The following NPHP4 variants were observed in gnomAD, a reference collection of about 807,000 sequenced individuals.
NPHP4 encodes nephrocystin 4.
Under a neutral mutation model 155.8 loss-of-function variants are expected in NPHP4, and 151 were observed. The observed-to-expected ratio is 0.97, with a 90% CI of 0.85 to 1.11. NPHP4 has a LOEUF of 1.11. Ranked by LOEUF, NPHP4 falls within the 50% of genes least tolerant of loss-of-function variation. The pLI, the probability that NPHP4 is intolerant of heterozygous loss-of-function variation, is 0.00. For missense variants in NPHP4, 1,956 were observed against 1,925.7 expected, an observed-to-expected ratio of 1.02 and a Z score of -0.29; for synonymous variants, 845 against 816.8, an observed-to-expected ratio of 1.03 and a Z score of -0.59.
Position 5,898,843 on chromosome 1 carries a change from G to GCACACA in NPHP4, c.2143+5768_2143+5773dup, listed in dbSNP as rs146386955. Among the ~76,000 whole-genome samples the GCACACA allele has an allele frequency of 5.9e-3, 884 of 149,742 alleles. 8 individuals carry two copies. The highest frequency in any genetic ancestry group is 0.02 in the African/African-American group (828 of 40,996). Reference sequence around the variant, plus strand: ...TGCCTATCAATTCAAACCCACACATGCACACACACACACACACAGACAACA... The same window carrying GCACACA: ...TGCCTATCAATTCAAACCCACACATGCACACACACACACACACACACACAGACAACA... On this transcript the variant is annotated intron_variant, in intron 16 of 29. Transcript: ENST00000378156.
At chr1:5,965,679 T>C (rs1220449146) in intron 5 of NPHP4, among the ~76,000 whole-genome samples, 1 of 152,130 alleles carries the variant, frequency 6.6e-6, no homozygotes, top group African/African-American at 2.4e-5. Context: ...GGCCTCCACA[T>C]GCCCCGGCCC....
At chr1:5,949,343 T>TACACACACACACACACAC (rs140032819) in intron 7 of NPHP4, among the ~76,000 whole-genome samples, 22,040 of 140,602 alleles carry the variant, frequency 0.16, 1,888 homozygotes, top group Non-Finnish European at 0.2. Flanking sequence ...TTCACATACA[T>TACACACACACACACACAC]ACACACACAC....
At chr1:5,939,004 T>C (rs1168200527) in intron 9 of NPHP4, among the ~76,000 whole-genome samples, 2 of 152,188 alleles carry the variant, frequency 1.3e-5, no homozygotes, top group African/African-American at 2.4e-5. Flanking sequence ...CATAATGCTA[T>C]AAATAGAATG....
In NPHP4 at chr1:5,875,085, G is replaced by A. The variant is rs767344564; in HGVS notation, c.2833C>T (p.Arg945Cys). ...GTSVLAQQSV[R>C]TQHLRDLQVI... ...TGTAGGTCCCGCAAGTGCTGTGTGC[G>A]GACGCTCTGCTGCGCCTGCAGACAA... is the stretch of plus-strand genomic sequence containing the variant. Residue 945 changes from arginine to cysteine, a missense_variant, in exon 21 of 30, where the codon CGC (arginine) becomes TGC (cysteine). Arg to Cys is a radical substitution (Grantham distance 180, BLOSUM62 -3). Transcript: ENST00000378156. The A allele has an allele frequency of 3.3e-5, 53 of 1,604,142 alleles. No individual in the cohort carries two copies. Among genetic ancestry groups the A allele is most frequent in the African/African-American group, 1.9e-4 (14 of 74,880 alleles).
intron 22 of NPHP4, 174 bp from the exon 23 acceptor site, chr1:5,873,509 T>C: frequency 1.6e-6 from 1 of 640,144 alleles, no homozygotes; most frequent in Non-Finnish European, 2.8e-6. Context: ...AGGCTGAGGC[T>C]GCCAGGAACA....
In NPHP4 at chr1:5,874,857, C is replaced by G. The variant is rs201195963; in HGVS notation, c.3044+17G>C. The G allele has an allele frequency of 6.2e-7, 1 of 1,607,898 alleles. No individual in the cohort carries two copies. Reference sequence around the variant, plus strand: ...CAGATCTGGGCTGGGGCAGGACGGGCACCACTGAGACCTCACCTGAGCTCG... The same window carrying G: ...CAGATCTGGGCTGGGGCAGGACGGGGACCACTGAGACCTCACCTGAGCTCG... On this transcript the variant is annotated intron_variant, in intron 21 of 29. Transcript: ENST00000378156.
At chr1:5,906,414 A>C (rs1422536431) in intron 13 of NPHP4, among the ~76,000 whole-genome samples, 1 of 152,226 alleles carries the variant, frequency 6.6e-6, no homozygotes, top group Non-Finnish European at 1.5e-5. Flanking sequence ...TTCAGCCCAG[A>C]GGAAACCAGG....
At chr1:5,932,846 A>G (rs1258460179) in intron 10 of NPHP4, among the ~76,000 whole-genome samples, 1 of 152,160 alleles carries the variant, frequency 6.6e-6, no homozygotes, top group Non-Finnish European at 1.5e-5. Flanking sequence ...CCAAGCTCCA[A>G]TGCTCCAAAC....
chr1:5,938,390 G>C (rs1259009727), intron 9 of NPHP4, among the ~76,000 whole-genome samples: 1 of 152,210 alleles, frequency 6.6e-6, no homozygotes, highest in Non-Finnish European at 1.5e-5. Flanking sequence ...CAGGAGCCCA[G>C]AGGTCACAAC....
chr1:5,986,237 G>C lies in NPHP4; in HGVS notation c.53C>G (p.Pro18Arg), dbSNP rs1655465953. The C allele has an allele frequency of 6.2e-7, 1 of 1,613,884 alleles. No homozygotes were observed. The highest frequency in any genetic ancestry group is 8.5e-7 in the Non-Finnish European group (1 of 1,179,860). Residue 18 changes from proline (P) to arginine (R), a missense_variant, in exon 2 of 30, where the codon CCA becomes CGA. Transcript: ENST00000378156. ...CTTCCAAGGCTGGCGCGCTCTCTGTGGGTGGGGAGGGACAAGCACGTTTTG... is the reference window on the plus strand; with the variant it reads ...CTTCCAAGGCTGGCGCGCTCTCTGTCGGTGGGGAGGGACAAGCACGTTTTG... ...FTQNVLVPPH[P>R]QRARQPWKES...
chr1:5,969,199 C>T lies in NPHP4; in HGVS notation c.340G>A (p.Ala114Thr), dbSNP rs1403172497. ...PHIVAVVEVV[A>T]EGKKRDGSLQ... ...CTCCCATCCCGTTTCTTGCCCTCAG[C>T]GACCACTTCCACCACAGCCACGATA... The change falls in exon 4 of 30, where the codon GCT (alanine) becomes ACT (threonine). Residue 114 changes from alanine to threonine, a missense_variant. Physicochemically the swap from Ala to Thr is moderately conservative, Grantham distance 58 (BLOSUM62 0). Coordinates refer to ENST00000378156, the MANE Select transcript of NPHP4 (RefSeq NM_015102.5). 10 of 1,580,776 alleles carry T rather than the reference C, an allele frequency of 6.3e-6. No homozygotes were observed. The highest frequency in any genetic ancestry group is 4.0e-5 in the African/African-American group (3 of 74,136).
intron 7 of NPHP4, among the ~76,000 whole-genome samples, chr1:5,951,029 G>A (rs1475533690): frequency 1.3e-5 from 2 of 152,208 alleles, no homozygotes; most frequent in South Asian, 4.1e-4. Flanking sequence ...AAAAAAGTAC[G>A]ACTTCATTTA....
At chr1:5,871,484 G>A (rs1285521866) in intron 23 of NPHP4, among the ~76,000 whole-genome samples, 1 of 152,202 alleles carries the variant, frequency 6.6e-6, no homozygotes, top group African/African-American at 2.4e-5. Flanking sequence ...TCACTTTCAA[G>A]TACAAAGTAT....
chr1:5,899,742 A>C (rs1019013506), intron 16 of NPHP4, among the ~76,000 whole-genome samples: 1 of 152,234 alleles, frequency 6.6e-6, no homozygotes, highest in African/African-American at 2.4e-5. Flanking sequence ...CCATGAGAGA[A>C]ATAACTAATG....
intron 6 of NPHP4, among the ~76,000 whole-genome samples, chr1:5,956,524 C>T (rs112748990): frequency 0.018 from 2,732 of 152,302 alleles, 32 homozygotes; most frequent in Middle Eastern, 0.027. Context: ...CTCATTCAGC[C>T]GGCTTGGCAG....
intron 8 of NPHP4, among the ~76,000 whole-genome samples, chr1:5,947,588 G>A (rs2101930566): frequency 6.6e-6 from 1 of 152,330 alleles, no homozygotes; most frequent in South Asian, 2.1e-4. Context: ...CACAGAGGAT[G>A]GAGGCTCCTT....
chr1:5,888,526 G>A (rs990354014), intron 17 of NPHP4: 27 of 1,315,260 alleles, frequency 2.1e-5, no homozygotes, highest in East Asian at 9.7e-5. Flanking sequence ...TGCCACACTC[G>A]TCTACACTGC....
At chr1:5,875,794 T>C (rs550579014) in intron 20 of NPHP4, among the ~76,000 whole-genome samples, 15 of 152,372 alleles carry the variant, frequency 9.8e-5, no homozygotes, top group African/African-American at 3.6e-4. Context: ...AGCCTGCAGC[T>C]ACTCCAAGAA....
intron 9 of NPHP4, among the ~76,000 whole-genome samples, chr1:5,945,854 A>C (rs1009662003): frequency 6.6e-6 from 1 of 152,146 alleles, no homozygotes; most frequent in African/African-American, 2.4e-5. Flanking sequence ...ACAATCCCTA[A>C]GTCCTAAATT....
Sources: allele counts gnomAD v4.1 joint callset (sites outside exome capture counted in the v4.1 genomes callset), GRCh38; gene constraint gnomAD v4.1.1; transcripts MANE v1.5; gene names NCBI Gene and HGNC (gene_info 2026-07-23, HGNC 2026-07-21).